ARMH3: variants seen among roughly 807,000 people sequenced by gnomAD.
ARMH3 encodes armadillo-like helical domain-containing protein 3.
ARMH3 carries 60 observed loss-of-function variants against 99.1 expected under a neutral mutation model. The ratio of observed to expected loss-of-function variants is 0.61; its 90% CI spans 0.49 to 0.75. The LOEUF (loss-of-function observed/expected upper bound fraction) is 0.75. Among genes scored for constraint, ARMH3 ranks in the 30% least tolerant of loss-of-function variants. The probability of loss-of-function intolerance (pLI) is 0.00; values close to 1 mark genes in which losing one functional copy is unlikely to be tolerated. For missense variants in ARMH3, 679 were observed against 843.1 expected, an observed-to-expected ratio of 0.81 and a Z score of 2.41; for synonymous variants, 285 against 292.8, an observed-to-expected ratio of 0.97 and a Z score of 0.27.
chr10:101,868,949 G>A (rs1008323891), intron 24 of ARMH3, among the ~76,000 whole-genome samples: 1 of 151,922 alleles, frequency 6.6e-6, no homozygotes, highest in Non-Finnish European at 1.5e-5. Flanking sequence ...GCAGGCGCCT[G>A]TAATCCCAGC....
chr10:101,973,125 C>A (rs763475930), intron 20 of ARMH3, among the ~76,000 whole-genome samples: 6 of 151,762 alleles, frequency 4.0e-5, no homozygotes, highest in Non-Finnish European at 7.4e-5. Context: ...CTTTGGGAGG[C>A]CGAGGTGGGC....
chr10:101,909,733 T>C (rs756699526), intron 23 of ARMH3, among the ~76,000 whole-genome samples: 1 of 152,070 alleles, frequency 6.6e-6, no homozygotes, highest in African/African-American at 2.4e-5. Flanking sequence ...GTGCTGGGAT[T>C]ACAGGAGTGA....
In ARMH3 at chr10:102,023,729, C is replaced by T; in HGVS notation, c.528G>A (p.Gln176=). The T allele has an allele frequency of 6.2e-7, 1 of 1,614,126 alleles. No homozygotes were observed. The highest frequency in any genetic ancestry group is 1.3e-5 in the African/African-American group (1 of 75,030). Residue 176 remains glutamine (Q), a synonymous_variant, in exon 7 of 26, where the codon CAG becomes CAA. Transcript: ENST00000370033. Reference sequence around the variant, plus strand: ...TCATTACATACTCGAGAATAGTGTTCTGGCTGATGTTATCTGTCACCTGAA... The same window carrying T: ...TCATTACATACTCGAGAATAGTGTTTTGGCTGATGTTATCTGTCACCTGAA... ...CLVTVTDNIS[Q]NTILEYVMIN...
intron 19 of ARMH3, 101 bp downstream of exon 19, chr10:101,990,450 C>A: frequency 1.2e-6 from 1 of 859,828 alleles, no homozygotes; most frequent in Non-Finnish European, 1.8e-6. Flanking sequence ...GTATTACAGG[C>A]GTGAGCCATG....
intron 15 of ARMH3, among the ~76,000 whole-genome samples, chr10:102,000,031 C>T (rs1021063433): frequency 6.6e-6 from 1 of 151,928 alleles, no homozygotes; most frequent in Admixed American, 6.6e-5. Flanking sequence ...TGCAGTGAGC[C>T]TTGGTTGCAA....
chr10:101,958,303 G>A (rs1007158039), intron 20 of ARMH3, among the ~76,000 whole-genome samples: 5 of 152,142 alleles, frequency 3.3e-5, no homozygotes, highest in Non-Finnish European at 5.9e-5. Context: ...TGAAGCTTGC[G>A]CTGACCTCTC....
At chr10:102,038,522 G>A (rs1330750161) in intron 2 of ARMH3, among the ~76,000 whole-genome samples, 1 of 152,080 alleles carries the variant, frequency 6.6e-6, no homozygotes, top group African/African-American at 2.4e-5. Context: ...TATTTTAGTG[G>A]ACTGAATTAT....
intron 19 of ARMH3, among the ~76,000 whole-genome samples, chr10:101,983,069 C>T (rs935091865): frequency 2.6e-5 from 4 of 152,144 alleles, no homozygotes; most frequent in African/African-American, 9.7e-5. Context: ...TGACATACAA[C>T]TCCTAAAATC....
At chr10:102,021,878 G>A (rs1176421815) in intron 8 of ARMH3, among the ~76,000 whole-genome samples, 1 of 151,868 alleles carries the variant, frequency 6.6e-6, no homozygotes, top group African/African-American at 2.4e-5. Flanking sequence ...TTTTTGTAGA[G>A]ACTGTCTTAC....
At chr10:101,948,575 T>C (rs768279017) in intron 22 of ARMH3, among the ~76,000 whole-genome samples, 8 of 152,066 alleles carry the variant, frequency 5.3e-5, no homozygotes, top group Non-Finnish European at 8.8e-5. Context: ...AATGTGTATC[T>C]ATCTAACAGC....
chr10:102,019,367 G>A (rs2066824681), intron 8 of ARMH3, among the ~76,000 whole-genome samples: 1 of 151,076 alleles, frequency 6.6e-6, no homozygotes, highest in Non-Finnish European at 1.5e-5. Flanking sequence ...ACTTTTTATT[G>A]TTATTTTCTA....
At chr10:101,943,378 C>G (rs1439478802) in intron 22 of ARMH3, among the ~76,000 whole-genome samples, 1 of 152,174 alleles carries the variant, frequency 6.6e-6, no homozygotes, top group African/African-American at 2.4e-5. Context: ...GTGGAAAGAC[C>G]TAGTAACACA....
intron 2 of ARMH3, among the ~76,000 whole-genome samples, chr10:102,039,214 G>A (rs372012430): frequency 3.3e-5 from 5 of 151,192 alleles, no homozygotes; most frequent in African/African-American, 9.7e-5. Context: ...GCACAATCTC[G>A]GCTCACTGCA....
intron 23 of ARMH3, among the ~76,000 whole-genome samples, chr10:101,899,052 G>A (rs1412979862): frequency 1.3e-5 from 2 of 152,190 alleles, no homozygotes; most frequent in African/African-American, 4.8e-5. Context: ...AGAGAAAGGA[G>A]ATTTGAAAAA....
At chr10:102,046,537 A>G (rs2067557019) in intron 1 of ARMH3, among the ~76,000 whole-genome samples, 1 of 152,160 alleles carries the variant, frequency 6.6e-6, no homozygotes, top group Non-Finnish European at 1.5e-5. Flanking sequence ...CTGTAATCTC[A>G]GCTACTCGAG....
At chr10:101,918,503 C>A (rs888264297) in intron 23 of ARMH3, among the ~76,000 whole-genome samples, 1 of 152,186 alleles carries the variant, frequency 6.6e-6, no homozygotes, top group Non-Finnish European at 1.5e-5. Context: ...AGCCTGTAAG[C>A]AAGTTTGGAC....
chr10:101,988,096 T>C (rs1846595395), intron 19 of ARMH3, among the ~76,000 whole-genome samples: 1 of 152,210 alleles, frequency 6.6e-6, no homozygotes, highest in Non-Finnish European at 1.5e-5. Flanking sequence ...AGGTGATAAA[T>C]GTTTGTTTTA....
intron 2 of ARMH3, among the ~76,000 whole-genome samples, chr10:102,037,332 C>T (rs1590220328): frequency 6.6e-6 from 1 of 151,628 alleles, no homozygotes; most frequent in African/African-American, 2.4e-5. Flanking sequence ...TATAAGCATG[C>T]ACCACCACGC....
chr10:101,975,096 T>C (rs370626349), intron 20 of ARMH3, 116 bp downstream of exon 20: 5 of 74,618 alleles, frequency 6.7e-5, no homozygotes, highest in Non-Finnish European at 1.2e-4. Flanking sequence ...TAACTGAAAA[T>C]AAAGGCAACC....
Sources: gnomAD v4.1 joint callset for allele counts (sites outside exome capture counted in the v4.1 genomes callset) on GRCh38, gnomAD v4.1.1 for gene constraint, MANE v1.5 for transcripts, NCBI Gene and HGNC (gene_info 2026-07-23, HGNC 2026-07-21) for gene names.